Variants in FAM185A observed in about 807,000 individuals in gnomAD.
The protein encoded by FAM185A is family with sequence similarity 185 member A, also known as protein FAM185A.
Under a neutral mutation model 45.7 loss-of-function variants are expected in FAM185A, and 21 were observed. That is an observed-to-expected ratio of 0.46 (90% CI 0.33 to 0.66). FAM185A has a LOEUF of 0.66. Among genes scored for constraint, FAM185A ranks in the 30% least tolerant of loss-of-function variants. FAM185A has a pLI of 0.03. For synonymous variants in FAM185A, 117 were observed against 194.0 expected, an observed-to-expected ratio of 0.60 and a Z score of 3.30; for missense variants, 305 against 485.4, an observed-to-expected ratio of 0.63 and a Z score of 3.49.
intron 6 of FAM185A, among the ~76,000 whole-genome samples, chr7:102,787,124 C>G (rs1293117769): frequency 6.6e-6 from 1 of 152,080 alleles, no homozygotes; most frequent in Non-Finnish European, 1.5e-5. Context: ...GTGCTAATAA[C>G]CCATATTCTT....
At chr7:102,774,232 G>C (rs1794920737) in intron 5 of FAM185A, among the ~76,000 whole-genome samples, 1 of 152,036 alleles carries the variant, frequency 6.6e-6, no homozygotes, top group Non-Finnish European at 1.5e-5. Context: ...TTAAGACTTT[G>C]CTTCTAATTG....
At position 102,779,266 on chromosome 7, in the gene FAM185A, G is replaced by A. The variant is rs981003740; in HGVS notation, c.931+1918G>A. ...CCTTTCTAAAAAAGTTAGTGTTAACGATGGGACATTAGGAAGGTTTTCAAG... is the reference window on the plus strand; with the variant it reads ...CCTTTCTAAAAAAGTTAGTGTTAACAATGGGACATTAGGAAGGTTTTCAAG... On this transcript the variant is annotated intron_variant, in intron 6 of 7. Coordinates refer to ENST00000413034, the MANE Select transcript of FAM185A (RefSeq NM_001145268.2). 3.9e-5 allele frequency among the ~76,000 whole-genome samples: 6 copies of A among 152,242 alleles called. No individual in the cohort carries two copies. The South Asian group carries it at 6.2e-4, about 16-fold the overall frequency.
the FAM185A span, chr7:102,832,860 TGAGAGATGTGA>T: frequency 6.2e-7 from 1 of 1,614,188 alleles, no homozygotes; most frequent in Non-Finnish European, 8.5e-7. Context: ...CCAGCAATGC[TGAGAGATGTGA>T]GGTTAATGCA....
the FAM185A span, among the ~76,000 whole-genome samples, chr7:102,848,866 G>T: frequency 6.6e-6 from 1 of 152,012 alleles, no homozygotes; most frequent in Non-Finnish European, 1.5e-5. Flanking sequence ...CAGGCATGAT[G>T]GTGCATGCCT....
the FAM185A span, among the ~76,000 whole-genome samples, chr7:102,836,152 T>C: frequency 6.6e-6 from 1 of 152,220 alleles, no homozygotes; most frequent in Non-Finnish European, 1.5e-5. Context: ...TTAAAAGCTC[T>C]AATATTCTTT....
chr7:102,822,561 C>A, the FAM185A span: 1 of 421,062 alleles, frequency 2.4e-6, no homozygotes, highest in Non-Finnish European at 4.7e-6. Flanking sequence ...AAAGGCCCCA[C>A]TTTCTATTAC....
chr7:102,811,090 G>A (rs1797405527), downstream of FAM185A, among the ~76,000 whole-genome samples: 1 of 152,140 alleles, frequency 6.6e-6, no homozygotes, highest in South Asian at 2.1e-4. Flanking sequence ...AGGAAACTGT[G>A]TAGCAGTGAG....
chr7:102,760,624 G>A (rs974129703), intron 3 of FAM185A, among the ~76,000 whole-genome samples: 1 of 152,052 alleles, frequency 6.6e-6, no homozygotes, highest in African/African-American at 2.4e-5. Flanking sequence ...CATGCTTAAT[G>A]GTGAAATGTT....
chr7:102,844,494 G>T, the FAM185A span, among the ~76,000 whole-genome samples: 1 of 152,208 alleles, frequency 6.6e-6, no homozygotes, highest in Non-Finnish European at 1.5e-5. Flanking sequence ...GAGTGGGAGA[G>T]AGAATGCCTA....
chr7:102,831,103 C>T, the FAM185A span, among the ~76,000 whole-genome samples: 1 of 152,050 alleles, frequency 6.6e-6, no homozygotes, highest in Non-Finnish European at 1.5e-5. Context: ...GTCAGGGTTC[C>T]CAGAGAAGAG....
intron 2 of FAM185A, chr7:102,755,998 A>C: frequency 2.4e-6 from 1 of 418,478 alleles, no homozygotes; most frequent in Non-Finnish European, 4.3e-6. Context: ...AAAATAAAAA[A>C]AAGTGCTTTG....
intron 7 of FAM185A, among the ~76,000 whole-genome samples, chr7:102,791,422 A>G (rs201267222): frequency 2.3e-3 from 349 of 150,554 alleles, no homozygotes; most frequent in African/African-American, 8.3e-3. Context: ...TTGCTTGAAT[A>G]TAAAGACGAA....
At chr7:102,787,839 C>G (rs1202993656) in intron 7 of FAM185A, among the ~76,000 whole-genome samples, 3 of 152,150 alleles carry the variant, frequency 2.0e-5, no homozygotes, top group African/African-American at 7.2e-5. Flanking sequence ...TTGGTATGTA[C>G]ATTTTAAACT....
intron 7 of FAM185A, among the ~76,000 whole-genome samples, chr7:102,800,267 C>T (rs1342718312): frequency 6.6e-6 from 1 of 152,180 alleles, no homozygotes; most frequent in Non-Finnish European, 1.5e-5. Flanking sequence ...CTAGCCCTTC[C>T]CTCTGACAGA....
Position 102,749,445 on chromosome 7 carries a change from C to T in FAM185A, c.238C>T (p.Arg80Trp), listed in dbSNP as rs985969794. 3 of 1,547,662 alleles carry T rather than the reference C, an allele frequency of 1.9e-6. No individual in the cohort carries two copies. The highest frequency in any genetic ancestry group is 2.6e-6 in the Non-Finnish European group (3 of 1,146,148). ...GAGCCCGTTTGGTCGGCTGCGGGCG[C>T]GGCTCCCGTGCCACCTGGCCGTGAG... ...QVSPFGRLRA[R>W]LPCHLAVRPL... The change falls in exon 1 of 8, where the codon CGG becomes TGG. Residue 80 changes from arginine (R) to tryptophan (W), a missense_variant. Coordinates refer to ENST00000413034, the MANE Select transcript of FAM185A (RefSeq NM_001145268.2).
At chr7:102,848,492 C>G in the FAM185A span, among the ~76,000 whole-genome samples, 1 of 45,952 alleles carries the variant, frequency 2.2e-5, no homozygotes, top group Non-Finnish European at 3.4e-5. Context: ...AGAGGCGGAG[C>G]TTGCAGTGAG....
rs1793374158 is a variant in FAM185A at position 102,751,716 on chromosome 7, C to T, written c.476C>T (p.Ser159Phe). The T allele has an allele frequency of 2.6e-6, 4 of 1,551,068 alleles. No homozygotes were observed. The highest frequency in any genetic ancestry group is 3.5e-6 in the Non-Finnish European group (4 of 1,146,680). The change falls in exon 2 of 8, where the codon TCT becomes TTT. Residue 159 changes from serine (S) to phenylalanine (F), a missense_variant. Around this residue, in one of 5 missense-constraint regions of FAM185A, gnomAD observed 174 missense variants for 247.1 expected, o/e 0.70. Coordinates refer to ENST00000413034, the MANE Select transcript of FAM185A (RefSeq NM_001145268.2). ...KFGLDIKSSG[S>F]GCVKVQSIEG... is the part of the protein sequence containing the mutation. ...GGTTTAGATATCAAGTCATCAGGGT[C>T]TGGCTGTGTAAAAGTTCAAAGTATT...
the FAM185A span, among the ~76,000 whole-genome samples, chr7:102,817,842 G>C: frequency 6.6e-6 from 1 of 152,158 alleles, no homozygotes; most frequent in Non-Finnish European, 1.5e-5. Context: ...AAGTGACTGT[G>C]AGACCCCGTA....
At chr7:102,826,909 T>C in the FAM185A span, among the ~76,000 whole-genome samples, 2 of 149,654 alleles carry the variant, frequency 1.3e-5, no homozygotes, top group African/African-American at 4.9e-5. Flanking sequence ...TATTATGTTA[T>C]ATTATGCTAT....
Sources: allele counts gnomAD v4.1 joint callset (sites outside exome capture counted in the v4.1 genomes callset), GRCh38; gene constraint gnomAD v4.1.1; regional missense constraint gnomAD v4.1.1; transcripts MANE v1.5; gene names NCBI Gene and HGNC (gene_info 2026-07-23, HGNC 2026-07-21).